Variants in ADGRG6 observed in about 807,000 individuals in gnomAD.
The protein encoded by ADGRG6 is adhesion G protein-coupled receptor G6.
ADGRG6 carries 84 observed loss-of-function variants against 142.4 expected under a neutral mutation model. The ratio of observed to expected loss-of-function variants is 0.59; its 90% confidence interval spans 0.49 to 0.71. The LOEUF (loss-of-function observed/expected upper bound fraction) is 0.71. ADGRG6 is among the 30% of genes least tolerant of loss of function. ADGRG6 has a pLI of 0.00. For missense variants in ADGRG6, 1,367 were observed against 1,466.6 expected (o/e 0.93, Z 1.11); for synonymous variants, 521 against 520.5 (o/e 1.00, Z -0.01).
chr6:142,419,923 G>C lies in ADGRG6; in HGVS notation c.3138G>C (p.Gln1046His), dbSNP rs1582664662. 1 of 1,613,496 alleles carries C rather than the reference G, an allele frequency of 6.2e-7. No individual in the cohort carries two copies. Among genetic ancestry groups the C allele is most frequent in the Non-Finnish European group, 8.5e-7 (1 of 1,179,584 alleles). Residue 1046 changes from glutamine to histidine, a missense_variant, in exon 22 of 25, where the codon CAG becomes CAC. Gln to His is a conservative substitution (Grantham distance 24). Coordinates refer to ENST00000367609, the MANE Select transcript of ADGRG6 (RefSeq NM_198569.3). Reference protein sequence around the residue: ...NIAMFIVVMVQICGRNGKRSN... With the variant: ...NIAMFIVVMVHICGRNGKRSN... ...CCATGTTCATTGTGGTAATGGTGCAGATCTGTGGGAGGAATGGCAAGAGAA... is the reference window on the plus strand; with the variant it reads ...CCATGTTCATTGTGGTAATGGTGCACATCTGTGGGAGGAATGGCAAGAGAA...
chr6:142,385,258 A>G (rs533949600), intron 6 of ADGRG6, among the ~76,000 whole-genome samples: 1 of 152,282 alleles, frequency 6.6e-6, no homozygotes, highest in South Asian at 2.1e-4. Context: ...CATAACCTTC[A>G]TTGGAGTTTT....
chr6:142,334,407 A>C (rs983079601), intron 2 of ADGRG6, among the ~76,000 whole-genome samples: 6 of 152,210 alleles, frequency 3.9e-5, no homozygotes, highest in Non-Finnish European at 8.8e-5. Context: ...CCATGAAGTG[A>C]ATTTGCAAAC....
intron 14 of ADGRG6, among the ~76,000 whole-genome samples, chr6:142,404,554 G>A (rs928127212): frequency 3.3e-5 from 5 of 152,070 alleles, no homozygotes; most frequent in Admixed American, 3.3e-4. Flanking sequence ...TGAGGCACGA[G>A]AATCACTTGA....
intron 2 of ADGRG6, among the ~76,000 whole-genome samples, chr6:142,334,252 G>A (rs1779203802): frequency 6.6e-6 from 1 of 152,062 alleles, no homozygotes; most frequent in African/African-American, 2.4e-5. Flanking sequence ...ATAAAAAGCA[G>A]GGAATCAAAA....
At chr6:142,408,109 G>A (rs752760161) in intron 15 of ADGRG6, 41 bp from the exon 16 acceptor site, 2 of 1,468,118 alleles carry the variant, frequency 1.4e-6, no homozygotes, top group Non-Finnish European at 1.8e-6. Flanking sequence ...AAATAAAAGT[G>A]TACTTCTGAC....
At chr6:142,369,095 A>T (rs975960230) in intron 3 of ADGRG6, among the ~76,000 whole-genome samples, 1 of 152,312 alleles carries the variant, frequency 6.6e-6, no homozygotes, top group Admixed American at 6.5e-5. Flanking sequence ...TTATAGAACT[A>T]TTCTTGATGT....
intron 4 of ADGRG6, among the ~76,000 whole-genome samples, chr6:142,378,045 T>C (rs999498680): frequency 3.9e-5 from 6 of 152,206 alleles, no homozygotes; most frequent in Admixed American, 3.9e-4. Flanking sequence ...CTAACTAAAA[T>C]ACTGAGAAGT....
chr6:142,410,379 T>C (rs1388968609), intron 17 of ADGRG6, among the ~76,000 whole-genome samples: 2 of 152,074 alleles, frequency 1.3e-5, no homozygotes, highest in African/African-American at 2.4e-5. Flanking sequence ...TAGAAATTGA[T>C]ATAATGGACA....
In ADGRG6 at chr6:142,393,953, G is replaced by A. The variant is rs1439004998; in HGVS notation, c.1419G>A (p.Glu473=). 1 of 1,551,574 alleles carries A rather than the reference G, an allele frequency of 6.4e-7. No homozygotes were observed. The highest frequency in any genetic ancestry group is 8.8e-7 in the Non-Finnish European group (1 of 1,141,610). ...AAGTCAAGAGAAGCCTTGAGGATGA[G>A]CCAAGGTAACAGGACAAAGTATTGT... is the stretch of plus-strand genomic sequence containing the variant. The part of the protein sequence containing the change: ...KIKVKRSLED[E]PRLVLWALLV... The change falls in exon 9 of 25, where the codon GAG becomes GAA. Residue 473 remains glutamate, a synonymous_variant. Coordinates refer to ENST00000367609, the MANE Select transcript of ADGRG6 (RefSeq NM_198569.3).
At chr6:142,376,697 C>T (rs1359305633) in intron 4 of ADGRG6, among the ~76,000 whole-genome samples, 2 of 152,058 alleles carry the variant, frequency 1.3e-5, no homozygotes, top group Non-Finnish European at 2.9e-5. Context: ...ATCATTTTAT[C>T]TTTGCAAAGG....
intron 18 of ADGRG6, among the ~76,000 whole-genome samples, chr6:142,413,286 C>T (rs1022463611): frequency 5.3e-5 from 8 of 152,000 alleles, no homozygotes; most frequent in Admixed American, 1.3e-4. Context: ...TTCACCAGTT[C>T]ACCATATGAG....
At chr6:142,302,392 G>A in intron 1 of ADGRG6, 61 bp downstream of exon 1, 3 of 1,565,748 alleles carry the variant, frequency 1.9e-6, no homozygotes, top group South Asian at 1.1e-5. Flanking sequence ...ACCTTCTGTC[G>A]CCCCCTCCCC....
At chr6:142,411,576 C>T (rs142026855) in intron 18 of ADGRG6, among the ~76,000 whole-genome samples, 165 bp downstream of exon 18, 5 of 152,232 alleles carry the variant, frequency 3.3e-5, no homozygotes, top group African/African-American at 1.2e-4. Flanking sequence ...TAGCAAAGAT[C>T]ACATATTAAA....
chr6:142,369,915 C>A (rs1230563268), intron 3 of ADGRG6, among the ~76,000 whole-genome samples: 1 of 152,048 alleles, frequency 6.6e-6, no homozygotes, highest in Non-Finnish European at 1.5e-5. Flanking sequence ...ACTTTGCTGG[C>A]TGTAACTCAA....
chr6:142,307,471 G>A (rs1213130892), intron 1 of ADGRG6, among the ~76,000 whole-genome samples: 2 of 146,686 alleles, frequency 1.4e-5, no homozygotes, highest in African/African-American at 4.9e-5. Flanking sequence ...TAGGAAACAG[G>A]CCTATTCTTC....
At chr6:142,306,157 C>G (rs905875429) in intron 1 of ADGRG6, among the ~76,000 whole-genome samples, 21 of 152,148 alleles carry the variant, frequency 1.4e-4, no homozygotes, top group Admixed American at 4.6e-4. Context: ...AATTTCTCCA[C>G]TAATATCAAA....
chr6:142,399,163 C>G (rs60625761), intron 10 of ADGRG6, among the ~76,000 whole-genome samples: 2,246 of 152,278 alleles, frequency 0.015, 48 homozygotes, highest in African/African-American at 0.051. Flanking sequence ...TTCGCCTTCT[C>G]TACACTCAGG....
intron 22 of ADGRG6, among the ~76,000 whole-genome samples, chr6:142,428,374 C>G (rs1777054297): frequency 6.6e-6 from 1 of 151,824 alleles, no homozygotes; most frequent in South Asian, 2.1e-4. Flanking sequence ...AAAAATTTTA[C>G]CTACTTAAAT....
intron 2 of ADGRG6, among the ~76,000 whole-genome samples, chr6:142,335,320 G>A (rs1013915868): frequency 6.6e-6 from 1 of 152,194 alleles, no homozygotes; most frequent in Non-Finnish European, 1.5e-5. Flanking sequence ...GATCTTGGTA[G>A]TGGTGGGGAA....
Sources: gnomAD v4.1 joint callset for allele counts (sites outside exome capture counted in the v4.1 genomes callset) on GRCh38, gnomAD v4.1.1 for gene constraint, MANE v1.5 for transcripts, NCBI Gene and HGNC (gene_info 2026-07-23, HGNC 2026-07-21) for gene names.